The following ANKDD1B variants were observed in gnomAD, a reference collection of about 807,000 sequenced individuals.
The protein encoded by ANKDD1B is ankyrin repeat and death domain containing 1B.
A neutral mutation model predicts 59.7 loss-of-function variants in ANKDD1B; 57 were observed. The observed-to-expected ratio is 0.95, with a 90% CI of 0.77 to 1.19. The LOEUF (loss-of-function observed/expected upper bound fraction) is 1.19. Among genes scored for constraint, ANKDD1B ranks in the 50% most tolerant of loss-of-function variants. ANKDD1B has a pLI of 0.00. For missense variants in ANKDD1B, 602 were observed against 641.9 expected (o/e 0.94, Z 0.67); for synonymous variants, 216 against 239.5 (o/e 0.90, Z 0.91).
intron 6 of ANKDD1B, 107 bp from the exon 7 acceptor site, chr5:75,635,677 C>G: frequency 1.5e-6 from 1 of 652,662 alleles, no homozygotes; most frequent in South Asian, 2.4e-5. Flanking sequence ...TGGACCGCAG[C>G]TTTAACCAAA....
rs372557555 is a variant in ANKDD1B at position 75,656,926 on chromosome 5, C to T, written c.996+799C>T. Among the ~76,000 whole-genome samples the T allele has an allele frequency of 2.6e-5, 4 of 152,340 alleles. No homozygotes were observed. The East Asian group carries it at 7.7e-4, about 29-fold the overall frequency. ...ACCAGAGCGTTGACTCAGATCTCTG[C>T]AGTCTCCTCCAATTCCCACCTATGA... On this transcript the variant is annotated intron_variant, in intron 9 of 13. Transcript: ENST00000601380.
chr5:75,613,082 C>A (rs1431413359), intron 1 of ANKDD1B, among the ~76,000 whole-genome samples: 4 of 152,122 alleles, frequency 2.6e-5, no homozygotes, highest in Non-Finnish European at 2.9e-5. Context: ...GGTATGATGA[C>A]TGGGTTTTGG....
intron 7 of ANKDD1B, among the ~76,000 whole-genome samples, chr5:75,650,814 G>T (rs1436041860): frequency 6.6e-6 from 1 of 152,206 alleles, no homozygotes; most frequent in East Asian, 1.9e-4. Flanking sequence ...TCATGGCTCT[G>T]TGGGTTGACT....
In ANKDD1B at chr5:75,660,256, C is replaced by T. The variant is rs1775095799; in HGVS notation, c.1095+875C>T. 1.3e-5 allele frequency among the ~76,000 whole-genome samples: 2 copies of T among 152,178 alleles called. 1 individual carries two copies. Among genetic ancestry groups the T allele is most frequent in the South Asian group, 4.1e-4 (2 of 4,830 alleles). On this transcript the variant is annotated intron_variant, in intron 10 of 13. Coordinates refer to ENST00000601380, the MANE Select transcript of ANKDD1B (RefSeq NM_001276713.2). ...CTTATTCAATAACTTGCCATTTCTT[C>T]CTTCTCCCAGCCCCTGGGAACCACC...
chr5:75,653,294 T>G, intron 8 of ANKDD1B, 54 bp downstream of exon 8: 2 of 1,293,062 alleles, frequency 1.5e-6, no homozygotes, highest in Non-Finnish European at 2.2e-6. Context: ...AGGTTGGCTG[T>G]GTCAGGGAGA....
In ANKDD1B at chr5:75,663,406, G is replaced by A. The variant is rs1387495906; in HGVS notation, c.1108G>A (p.Ala370Thr). ...TTTTTAATTTTAGCAAGGAAAGACT[G>A]CCCTGGCTGTGGCCTCCAGGAGCAA... ...LKAVDKQGKT[A>T]LAVASRSNHS... is the part of the protein sequence containing the mutation. The change falls in exon 11 of 14, where the codon GCC becomes ACC. Residue 370 changes from alanine to threonine, a missense_variant. Physicochemically the swap from Ala to Thr is moderately conservative, Grantham distance 58. Coordinates refer to ENST00000601380, the MANE Select transcript of ANKDD1B (RefSeq NM_001276713.2). The A allele has an allele frequency of 2.6e-6, 4 of 1,536,032 alleles. 1 individual carries two copies. The South Asian group carries it at 4.8e-5, about 18-fold the overall frequency.
At chr5:75,643,952 T>A in intron 7 of ANKDD1B, among the ~76,000 whole-genome samples, 1 of 36,706 alleles carries the variant, frequency 2.7e-5, no homozygotes, top group Non-Finnish European at 4.1e-5. Context: ...TCAACATTCT[T>A]AAAGAAAAGA....
rs771015044 is a variant in ANKDD1B, at chr5:75,611,649, GC to G, written c.16del (p.Arg6AlafsTer92). 1.3e-5 allele frequency: 16 copies of G among 1,231,380 alleles called. No individual in the cohort carries two copies. Among genetic ancestry groups the G allele is most frequent in the Non-Finnish European group, 1.6e-5 (16 of 987,812 alleles). The allele number at this position is 1,231,380 out of a possible 1,614,324, so 76.3% of individuals were successfully genotyped here. A position where few individuals can be genotyped will look rare whatever the true frequency, so the allele number is the denominator to read the frequency against. ...CGGAGGAGACTATGGACCCCGCCGG[GC>G]GCGCCCGGGGCCAAGGGGCCACGGC... MDPAG[R>X]ARGQGATAGG... is the part of the protein sequence containing the mutation. On this transcript the variant is annotated frameshift_variant, in exon 1 of 14. Coordinates refer to ENST00000601380, the MANE Select transcript of ANKDD1B (RefSeq NM_001276713.2). LOFTEE classifies it high-confidence loss of function.
intron 13 of ANKDD1B, 112 bp downstream of exon 13, chr5:75,669,495 T>G: frequency 1.0e-6 from 1 of 964,552 alleles, no homozygotes; most frequent in Non-Finnish European, 1.3e-6. Context: ...TAGCTGTGGC[T>G]CACACGGAGT....
At chr5:75,613,364 A>G (rs114480728) in intron 1 of ANKDD1B, among the ~76,000 whole-genome samples, 2,139 of 152,294 alleles carry the variant, frequency 0.014, 44 homozygotes, top group African/African-American at 0.049. Context: ...ATCTAGAGGA[A>G]AGAAGAGATA....
At chr5:75,668,866 AT>A (rs1251547465) in intron 12 of ANKDD1B, among the ~76,000 whole-genome samples, 6 of 152,180 alleles carry the variant, frequency 3.9e-5, no homozygotes. Flanking sequence ...AGATGCATGG[AT>A]TCTTACCCCA....
At chr5:75,658,366 A>C (rs1237590143) in intron 9 of ANKDD1B, among the ~76,000 whole-genome samples, 1 of 152,182 alleles carries the variant, frequency 6.6e-6, no homozygotes, top group Non-Finnish European at 1.5e-5. Context: ...GCTAGATCAC[A>C]TCAAAGGATC....
At chr5:75,633,762 A>G (rs1410420202) in intron 5 of ANKDD1B, among the ~76,000 whole-genome samples, 2 of 152,186 alleles carry the variant, frequency 1.3e-5, no homozygotes, top group Non-Finnish European at 2.9e-5. Context: ...GCATGTTGAA[A>G]TTGGATCCCC....
intron 5 of ANKDD1B, among the ~76,000 whole-genome samples, chr5:75,627,001 C>T (rs559421046): frequency 2.0e-5 from 3 of 152,182 alleles, no homozygotes; most frequent in East Asian, 1.9e-4. Context: ...GTTTTCTGAC[C>T]TTAATCTTAA....
At chr5:75,657,984 G>A (rs1368468635) in intron 9 of ANKDD1B, among the ~76,000 whole-genome samples, 1 of 151,792 alleles carries the variant, frequency 6.6e-6, no homozygotes, top group African/African-American at 2.4e-5. Flanking sequence ...GGCCAAGATA[G>A]GAGGATTGCC....
At chr5:75,639,341 C>T (rs754949859) in intron 7 of ANKDD1B, among the ~76,000 whole-genome samples, 15 of 152,044 alleles carry the variant, frequency 9.9e-5, no homozygotes, top group African/African-American at 1.5e-4. Context: ...GGATTACAGG[C>T]GCATGCCACC....
In ANKDD1B at chr5:75,616,881, A is replaced by G; in HGVS notation, c.271A>G (p.Lys91Glu). 6.6e-7 allele frequency: 1 copy of G among 1,524,948 alleles called. No homozygotes were observed. Among genetic ancestry groups the G allele is most frequent in the South Asian group, 1.2e-5 (1 of 83,670 alleles). The allele number at this position is 1,524,948 out of a possible 1,614,324, so 94.5% of individuals were successfully genotyped here. ...TCTTATGGAGAAGCTGTTTGAAAAGAAGGTTAACATTAATGTTGTGAACAA... is the reference window on the plus strand; with the variant it reads ...TCTTATGGAGAAGCTGTTTGAAAAGGAGGTTAACATTAATGTTGTGAACAA... ...LDLMEKLFEK[K>E]VNINVVNNMN... Residue 91 changes from lysine (K) to glutamate (E), a missense_variant, in exon 2 of 14, where the codon AAG (lysine) becomes GAG (glutamate). By Grantham distance (56) the Lys-to-Glu change is moderately conservative (BLOSUM62 1). Around this residue, in one of 3 missense-constraint regions of ANKDD1B, gnomAD observed 317 missense variants for 304.6 expected, o/e 1.04. Transcript: ENST00000601380.
rs40060 is a variant in ANKDD1B, at chr5:75,671,561, C to T, written c.*521C>T. The T allele has an allele frequency of 0.59, 89,909 of 151,930 alleles. 27,054 individuals carry two copies. The highest frequency in any genetic ancestry group is 0.69 in the Middle Eastern group (202 of 294). The allele number at this position is 151,930 out of a possible 1,614,324, so 9.4% of individuals were successfully genotyped here. A position where few individuals can be genotyped will look rare whatever the true frequency, so the allele number is the denominator to read the frequency against. ...AAGGGAAAATGCCTGTGTAGCCTCA[C>T]GCCCATAGTACGGAAATCAACTGCT... On this transcript the variant is annotated 3_prime_UTR_variant, in exon 14 of 14. Coordinates refer to ENST00000601380, the MANE Select transcript of ANKDD1B (RefSeq NM_001276713.2).
chr5:75,628,644 G>A (rs534553585), intron 5 of ANKDD1B, among the ~76,000 whole-genome samples: 99 of 152,286 alleles, frequency 6.5e-4, no homozygotes, highest in African/African-American at 2.2e-3. Flanking sequence ...TGGCCTGGAG[G>A]GAACTCCAAA....
Sources: allele counts gnomAD v4.1 joint callset (sites outside exome capture counted in the v4.1 genomes callset), GRCh38; gene constraint gnomAD v4.1.1; regional missense constraint gnomAD v4.1.1; transcripts MANE v1.5; gene names NCBI Gene and HGNC (gene_info 2026-07-23, HGNC 2026-07-21).